Variants in TXK observed in about 807,000 individuals in gnomAD.
TXK encodes the protein TXK tyrosine kinase, also known as tyrosine-protein kinase TXK.
A neutral mutation model predicts 81.0 loss-of-function variants in TXK; 60 were observed. The observed-to-expected ratio is 0.74, with a 90% CI of 0.60 to 0.92. The LOEUF (loss-of-function observed/expected upper bound fraction) is 0.92, where lower values mean the gene tolerates loss of function less well. Among genes scored for constraint, TXK ranks in the 40% least tolerant of loss-of-function variants. The probability of loss-of-function intolerance (pLI) is 0.00; values close to 1 mark genes in which losing one functional copy is unlikely to be tolerated. For missense variants in TXK, 581 were observed against 638.3 expected (o/e 0.91, Z 0.97); for synonymous variants, 203 against 210.7 (o/e 0.96, Z 0.32).
intron 6 of TXK, among the ~76,000 whole-genome samples, chr4:48,097,075 TAA>T (rs1452662523): frequency 5.9e-5 from 9 of 152,164 alleles, no homozygotes; most frequent in Admixed American, 5.2e-4. Flanking sequence ...AATAAATTAA[TAA>T]AGACAAAACA....
In TXK at chr4:48,091,510, C is replaced by CT. The variant is rs536973592; in HGVS notation, c.710-1687dup. ...TCAGATTTACATTTCTTTTTCTTTT[C>CT]TTTTTTTTTTTTGAGATGGAGTTTC... is the stretch of plus-strand genomic sequence containing the variant. On this transcript the variant is annotated intron_variant, in intron 8 of 14. Coordinates refer to ENST00000264316, the MANE Select transcript of TXK (RefSeq NM_003328.3). Among the ~76,000 whole-genome samples, 324 of 145,002 alleles carry CT rather than the reference C, an allele frequency of 2.2e-3. 1 individual carries two copies. Among genetic ancestry groups the CT allele is most frequent in the Middle Eastern group, 7.0e-3 (2 of 284 alleles).
At chr4:48,114,211 G>T in intron 2 of TXK, 137 bp downstream of exon 2, 1 of 772,942 alleles carries the variant, frequency 1.3e-6, no homozygotes, top group Non-Finnish European at 2.1e-6. Flanking sequence ...AAACAAATAG[G>T]CATTCCACAG....
At chr4:48,070,872 C>G (rs1202285975) in intron 14 of TXK, among the ~76,000 whole-genome samples, 1 of 148,854 alleles carries the variant, frequency 6.7e-6, no homozygotes, top group Non-Finnish European at 1.5e-5. Context: ...AGCCACCACA[C>G]ACAGCCTCCA....
At chr4:48,116,745 C>T (rs1718823914) in intron 1 of TXK, among the ~76,000 whole-genome samples, 1 of 152,182 alleles carries the variant, frequency 6.6e-6, no homozygotes, top group South Asian at 2.1e-4. Context: ...TCTCCATTGG[C>T]CTAACCCAGC....
chr4:48,129,374 A>C (rs1462886545), intron 1 of TXK, among the ~76,000 whole-genome samples: 1 of 152,082 alleles, frequency 6.6e-6, no homozygotes, highest in East Asian at 1.9e-4. Context: ...GTGAAACCTT[A>C]AAGAAGGGAG....
At chr4:48,072,636 G>A (rs377528322) in intron 13 of TXK, among the ~76,000 whole-genome samples, 3 of 152,186 alleles carry the variant, frequency 2.0e-5, no homozygotes, top group South Asian at 2.1e-4. Flanking sequence ...GATGAGAGGC[G>A]AGGCCTCTGC....
intron 13 of TXK, among the ~76,000 whole-genome samples, chr4:48,073,725 G>T (rs1716953108): frequency 6.6e-6 from 1 of 152,222 alleles, no homozygotes; most frequent in African/African-American, 2.4e-5. Flanking sequence ...ATGGAGGAAG[G>T]AAAAGATCCA....
chr4:48,117,735 C>T (rs1577679136), intron 1 of TXK, among the ~76,000 whole-genome samples: 1 of 152,310 alleles, frequency 6.6e-6, no homozygotes, highest in Admixed American at 6.5e-5. Flanking sequence ...TATGGAAAAA[C>T]AAAAGCATAT....
chr4:48,112,579 C>T, intron 3 of TXK, 67 bp from the exon 4 acceptor site: 2 of 1,485,240 alleles, frequency 1.3e-6, no homozygotes, highest in Non-Finnish European at 1.8e-6. Context: ...AATATAGGGA[C>T]AAAGCATATT....
At chr4:48,125,566 C>T (rs1719069748) in intron 1 of TXK, among the ~76,000 whole-genome samples, 1 of 152,194 alleles carries the variant, frequency 6.6e-6, no homozygotes, top group African/African-American at 2.4e-5. Context: ...CAAAGCAGGC[C>T]TCAGGAGAGG....
chr4:48,093,777 G>C (rs1717869049), intron 8 of TXK, among the ~76,000 whole-genome samples: 1 of 152,136 alleles, frequency 6.6e-6, no homozygotes, highest in Non-Finnish European at 1.5e-5. Flanking sequence ...ATTACATTTA[G>C]CCCTATGTAA....
At chr4:48,076,574 T>C (rs1577649019) in intron 11 of TXK, 108 bp from the exon 12 acceptor site, 2 of 847,794 alleles carry the variant, frequency 2.4e-6, no homozygotes, top group Non-Finnish European at 3.8e-6. Context: ...TCTCTGTGTG[T>C]ACCGCCAAGT....
chr4:48,108,199 G>C (rs535536888), intron 5 of TXK, among the ~76,000 whole-genome samples: 2 of 152,070 alleles, frequency 1.3e-5, no homozygotes, highest in African/African-American at 4.8e-5. Flanking sequence ...CTGGTACATC[G>C]TAAGTGTACA....
intron 10 of TXK, among the ~76,000 whole-genome samples, chr4:48,081,152 G>C (rs952701726): frequency 6.6e-6 from 1 of 151,940 alleles, no homozygotes; most frequent in Non-Finnish European, 1.5e-5. Flanking sequence ...AATTCATAAA[G>C]TGTACTTTCA....
chr4:48,071,808 G>A (rs902841779), intron 13 of TXK, 134 bp from the exon 14 acceptor site: 13 of 945,108 alleles, frequency 1.4e-5, no homozygotes, highest in Middle Eastern at 3.4e-4. Context: ...AATAACAGCG[G>A]TTCTGTCAAG....
intron 1 of TXK, among the ~76,000 whole-genome samples, chr4:48,129,713 G>A (rs898729591): frequency 1.3e-5 from 2 of 152,172 alleles, no homozygotes; most frequent in Non-Finnish European, 2.9e-5. Flanking sequence ...GGTCTATGAG[G>A]CAATTTTTCT....
chr4:48,089,660 A>T, intron 9 of TXK, 90 bp downstream of exon 9: 1 of 1,086,418 alleles, frequency 9.2e-7, no homozygotes, highest in Non-Finnish European at 1.4e-6. Context: ...CCAAAGTGCT[A>T]GGATTACAGC....
chr4:48,094,430 A>C (rs970618737), intron 7 of TXK, among the ~76,000 whole-genome samples: 5 of 152,216 alleles, frequency 3.3e-5, no homozygotes, highest in African/African-American at 1.2e-4. Context: ...TGTCTGAGTG[A>C]CAAGACCAGT....
At chr4:48,083,997 T>C (rs568577100) in intron 10 of TXK, among the ~76,000 whole-genome samples, 115 of 152,336 alleles carry the variant, frequency 7.5e-4, no homozygotes, top group African/African-American at 2.5e-3. Flanking sequence ...GTAGATAGTA[T>C]GTCAATGCAT....
Sources: gnomAD v4.1 joint callset for allele counts (sites outside exome capture counted in the v4.1 genomes callset) on GRCh38, gnomAD v4.1.1 for gene constraint, MANE v1.5 for transcripts, NCBI Gene and HGNC (gene_info 2026-07-23, HGNC 2026-07-21) for gene names.